Variants in ZC3H12B observed in about 807,000 individuals in gnomAD.
The protein encoded by ZC3H12B is probable ribonuclease ZC3H12B.
Under a neutral mutation model 43.9 loss-of-function variants are expected in ZC3H12B, and 7 were observed. The observed-to-expected ratio is 0.16, with a 90% CI of 0.09 to 0.30. The LOEUF (loss-of-function observed/expected upper bound fraction) is 0.30. Ranked by LOEUF, ZC3H12B falls within the 10% of genes least tolerant of loss-of-function variation. The pLI, the probability that ZC3H12B is intolerant of heterozygous loss-of-function variation, is 1.00. For missense variants in ZC3H12B, 475 were observed against 670.2 expected, an observed-to-expected ratio of 0.71 and a Z score of 3.22; for synonymous variants, 222 against 241.7, an observed-to-expected ratio of 0.92 and a Z score of 0.76.
the ZC3H12B span, among the ~76,000 whole-genome samples, chrX:65,043,035 A>C: frequency 1.8e-5 from 2 of 111,731 alleles, no homozygotes; most frequent in African/African-American, 6.5e-5. Context: ...ATCAGAAGAG[A>C]CTCAATATCT....
chrX:65,442,274 G>A (rs1016930917), intron 3 of ZC3H12B, among the ~76,000 whole-genome samples: 3 of 109,950 alleles, frequency 2.7e-5, no homozygotes, highest in South Asian at 4.0e-4. Context: ...TAGCATTGTC[G>A]AAAGCTAATA....
chrX:65,363,050 C>A (rs1388504834), upstream of ZC3H12B, among the ~76,000 whole-genome samples: 1 of 111,591 alleles, frequency 9.0e-6, no homozygotes, highest in Non-Finnish European at 1.9e-5. Flanking sequence ...ACCCATCAGT[C>A]CCAGCAACTT....
the ZC3H12B span, among the ~76,000 whole-genome samples, chrX:65,198,024 G>A: frequency 8.9e-6 from 1 of 111,880 alleles, no homozygotes; most frequent in Admixed American, 9.5e-5. Context: ...ATTCGATCCC[G>A]CAGCTCTCTG....
the ZC3H12B span, among the ~76,000 whole-genome samples, chrX:65,246,935 A>G: frequency 8.9e-6 from 1 of 112,789 alleles, no homozygotes; most frequent in African/African-American, 3.2e-5. Flanking sequence ...GAGCTTCTGC[A>G]CAGCAAAATA....
the ZC3H12B span, among the ~76,000 whole-genome samples, chrX:65,305,740 C>T: frequency 8.9e-6 from 1 of 112,118 alleles, no homozygotes; most frequent in African/African-American, 3.2e-5. Flanking sequence ...GTGCCCTTCA[C>T]AATTGTAGCT....
the ZC3H12B span, among the ~76,000 whole-genome samples, chrX:65,212,184 T>TATAATATATA: frequency 2.0e-5 from 1 of 49,960 alleles, no homozygotes; most frequent in African/African-American, 8.4e-5. Flanking sequence ...TTATATATTA[T>TATAATATATA]ATATTATATA....
chrX:65,098,303 A>G, the ZC3H12B span, among the ~76,000 whole-genome samples: 4 of 110,843 alleles, frequency 3.6e-5, no homozygotes, highest in East Asian at 1.1e-3. Context: ...GTGTCAAATA[A>G]CAATCAAGAG....
chrX:65,371,713 G>A (rs1460837069), intron 2 of ZC3H12B, among the ~76,000 whole-genome samples: 1 of 112,061 alleles, frequency 8.9e-6, no homozygotes, highest in Non-Finnish European at 1.9e-5. Context: ...TAAAGAAATA[G>A]TATTTGTAAA....
the ZC3H12B span, among the ~76,000 whole-genome samples, chrX:65,052,947 G>A: frequency 9.0e-6 from 1 of 111,268 alleles, no homozygotes; most frequent in East Asian, 2.8e-4. Context: ...ATTTGTTATT[G>A]CCTGTCTTTT....
intron 2 of ZC3H12B, among the ~76,000 whole-genome samples, chrX:65,369,570 T>C (rs2066217972): frequency 8.9e-6 from 1 of 111,853 alleles, no homozygotes. Flanking sequence ...GCCCCTACTT[T>C]ATTTAGTTTT....
the ZC3H12B span, among the ~76,000 whole-genome samples, chrX:65,234,635 T>TA: frequency 2.7e-5 from 3 of 112,163 alleles, no homozygotes; most frequent in Non-Finnish European, 3.8e-5. Flanking sequence ...AAAAGAATAA[T>TA]AAAAAAAGAA....
chrX:65,055,263 A>G, the ZC3H12B span, among the ~76,000 whole-genome samples: 59 of 111,742 alleles, frequency 5.3e-4, no homozygotes, highest in African/African-American at 1.9e-3. Context: ...ATGTCCCATC[A>G]ATACCAAATT....
At chrX:65,362,007 G>A (rs2066110057), upstream of ZC3H12B, among the ~76,000 whole-genome samples, 1 of 112,049 alleles carries the variant, frequency 8.9e-6, no homozygotes, top group African/African-American at 3.2e-5. Context: ...CAGAAATCTG[G>A]CCACTGGGCC....
At chrX:65,490,999 A>G (rs1358256944) in intron 1 of ZC3H12B, among the ~76,000 whole-genome samples, 1 of 111,164 alleles carries the variant, frequency 9.0e-6, no homozygotes, top group African/African-American at 3.3e-5. Context: ...GACTATCTAG[A>G]AGTACACTTT....
the ZC3H12B span, among the ~76,000 whole-genome samples, chrX:65,189,959 T>G: frequency 9.1e-6 from 1 of 109,582 alleles, no homozygotes; most frequent in Non-Finnish European, 1.9e-5. Context: ...TAATCCATCT[T>G]GAATTGATTT....
At chrX:65,192,785 T>C in the ZC3H12B span, among the ~76,000 whole-genome samples, 10 of 109,984 alleles carry the variant, frequency 9.1e-5, no homozygotes, top group Non-Finnish European at 1.7e-4. Flanking sequence ...GATAGATAGA[T>C]AGATAGATAG....
chrX:65,107,666 C>T, the ZC3H12B span, among the ~76,000 whole-genome samples: 1 of 110,978 alleles, frequency 9.0e-6, no homozygotes, highest in African/African-American at 3.3e-5. Context: ...ATGCTATTCT[C>T]GTGATATTGA....
intron 3 of ZC3H12B, among the ~76,000 whole-genome samples, chrX:65,442,782 A>T (rs2067319211): frequency 8.9e-6 from 1 of 112,308 alleles, no homozygotes; most frequent in East Asian, 2.8e-4. Flanking sequence ...AGTAATTTAA[A>T]AGGAAAAGGC....
the ZC3H12B span, among the ~76,000 whole-genome samples, chrX:65,250,610 C>G: frequency 9.0e-6 from 1 of 111,672 alleles, no homozygotes; most frequent in Non-Finnish European, 1.9e-5. Context: ...TTTTTCCTGA[C>G]TTTTTAATGA....
Sources: gnomAD v4.1 joint callset for allele counts (sites outside exome capture counted in the v4.1 genomes callset) on GRCh38, gnomAD v4.1.1 for gene constraint, MANE v1.5 for transcripts, NCBI Gene and HGNC (gene_info 2026-07-23, HGNC 2026-07-21) for gene names.